Variants in GPHN observed in about 807,000 individuals in gnomAD.
GPHN encodes the protein gephyrin.
A neutral mutation model predicts 95.5 loss-of-function variants in GPHN; 17 were observed. The ratio of observed to expected loss-of-function variants is 0.18; its 90% CI spans 0.12 to 0.27. The LOEUF is 0.27. Among genes scored for constraint, GPHN ranks in the 10% least tolerant of loss-of-function variants. The pLI, the probability that GPHN is intolerant of heterozygous loss-of-function variation, is 1.00. For synonymous variants in GPHN, 320 were observed against 322.5 expected, an observed-to-expected ratio of 0.99 and a Z score of 0.08; for missense variants, 660 against 978.1, an observed-to-expected ratio of 0.67 and a Z score of 4.34.
intron 1 of GPHN, among the ~76,000 whole-genome samples, chr14:66,511,870 AT>A (rs1255062650): frequency 2.6e-5 from 4 of 152,044 alleles, no homozygotes; most frequent in Non-Finnish European, 4.4e-5. Context: ...ATGAGAACAT[AT>A]ATGTATATAA....
chr14:66,670,189 C>T (rs1392294920), intron 1 of GPHN, among the ~76,000 whole-genome samples: 1 of 152,098 alleles, frequency 6.6e-6, no homozygotes, highest in African/African-American at 2.4e-5. Context: ...GAAGGTTTTC[C>T]ATGTTACTGC....
the GPHN span, among the ~76,000 whole-genome samples, chr14:67,518,437 C>T: frequency 6.6e-6 from 1 of 152,166 alleles, no homozygotes; most frequent in Non-Finnish European, 1.5e-5. Context: ...AGCATAGTGC[C>T]AGACACATAG....
chr14:66,528,399 G>A (rs2058776083), intron 1 of GPHN, among the ~76,000 whole-genome samples: 1 of 152,112 alleles, frequency 6.6e-6, no homozygotes, highest in African/African-American at 2.4e-5. Context: ...ACACCAATGG[G>A]TCTTGACTCT....
At chr14:67,008,446 A>T (rs2072756312) in intron 9 of GPHN, among the ~76,000 whole-genome samples, 1 of 151,436 alleles carries the variant, frequency 6.6e-6, no homozygotes, top group South Asian at 2.1e-4. Flanking sequence ...AGAGTGAGAC[A>T]CCGTCTCAAA....
chr14:67,448,373 C>G, the GPHN span, among the ~76,000 whole-genome samples: 1 of 152,018 alleles, frequency 6.6e-6, no homozygotes, highest in East Asian at 1.9e-4. Flanking sequence ...ATAGCCCATT[C>G]TATATTGATC....
the GPHN span, among the ~76,000 whole-genome samples, chr14:67,469,814 A>G: frequency 6.6e-6 from 1 of 152,086 alleles, no homozygotes; most frequent in South Asian, 2.1e-4. Flanking sequence ...GTGTAACATC[A>G]CTTTCAAAGT....
chr14:66,839,319 G>A (rs556213739), intron 4 of GPHN, among the ~76,000 whole-genome samples: 1 of 152,332 alleles, frequency 6.6e-6, no homozygotes, highest in African/African-American at 2.4e-5. Context: ...ACTTCTCTAT[G>A]AAGAATGAAG....
Position 66,800,071 on chromosome 14 carries a change from C to G in GPHN, c.201+23550C>G, listed in dbSNP as rs201363515. Reference sequence around the variant, plus strand: ...CTTTTTGCATAAACAAACAAGCAAGCAAGCCACAAACTAATAAAAGTCTAC... The same window carrying G: ...CTTTTTGCATAAACAAACAAGCAAGGAAGCCACAAACTAATAAAAGTCTAC... On this transcript the variant is annotated intron_variant, in intron 3 of 22. Transcript: ENST00000478722. Among the ~76,000 whole-genome samples, 3 of 151,762 alleles carry G rather than the reference C, an allele frequency of 2.0e-5. No homozygotes were observed. The East Asian group carries it at 5.8e-4, about 29-fold the overall frequency.
chr14:67,457,722 C>T, the GPHN span, among the ~76,000 whole-genome samples: 1 of 152,226 alleles, frequency 6.6e-6, no homozygotes, highest in Non-Finnish European at 1.5e-5. Context: ...ACTAGGGGCT[C>T]ACTAGGAGCT....
At chr14:67,131,137 G>A (rs1567378133) in intron 17 of GPHN, among the ~76,000 whole-genome samples, 1 of 152,062 alleles carries the variant, frequency 6.6e-6, no homozygotes, top group Non-Finnish European at 1.5e-5. Context: ...TGCTAGCCAA[G>A]CAGTTGTGGC....
chr14:67,539,811 T>C, the GPHN span, among the ~76,000 whole-genome samples: 2 of 152,220 alleles, frequency 1.3e-5, no homozygotes, highest in Non-Finnish European at 2.9e-5. Flanking sequence ...AGTGTCCTCA[T>C]GTGTGTGTGG....
intron 1 of GPHN, among the ~76,000 whole-genome samples, chr14:66,652,046 G>A (rs779469489): frequency 1.3e-4 from 20 of 151,984 alleles, no homozygotes; most frequent in Admixed American, 6.6e-5. Context: ...AGTCCCTGGC[G>A]CCAAAAAGGT....
chr14:67,026,463 C>A (rs1341487497), intron 10 of GPHN, among the ~76,000 whole-genome samples: 2 of 152,144 alleles, frequency 1.3e-5, no homozygotes, highest in Admixed American at 1.3e-4. Context: ...GTTCATCCCA[C>A]TTAATCCTCA....
the GPHN span, chr14:67,302,194 A>C: frequency 6.9e-7 from 1 of 1,451,042 alleles, no homozygotes; most frequent in East Asian, 2.4e-5. Flanking sequence ...GGTTAATTTC[A>C]GAATTCTAAT....
At chr14:66,920,341 G>GTATT (rs747161208) in intron 6 of GPHN, among the ~76,000 whole-genome samples, 7 of 151,904 alleles carry the variant, frequency 4.6e-5, no homozygotes, top group East Asian at 1.9e-4. Flanking sequence ...TTTTTAGAAT[G>GTATT]TATTTATTTA....
At chr14:66,811,555 A>C (rs2060765025) in intron 3 of GPHN, among the ~76,000 whole-genome samples, 1 of 140,012 alleles carries the variant, frequency 7.1e-6, no homozygotes, top group African/African-American at 3.1e-5. Flanking sequence ...GCAAAAAAAA[A>C]AAAAAGAAAC....
At chr14:67,191,228 C>T in the GPHN span, among the ~76,000 whole-genome samples, 7,595 of 151,588 alleles carry the variant, frequency 0.05, 208 homozygotes, top group Middle Eastern at 0.068. Context: ...AGCGAGACTC[C>T]GTCTCAAAAA....
chr14:66,946,991 TTAAAA>T (rs1361834909), intron 8 of GPHN, among the ~76,000 whole-genome samples: 1 of 152,160 alleles, frequency 6.6e-6, no homozygotes, highest in Non-Finnish European at 1.5e-5. Flanking sequence ...AGTCGACTTT[TTAAAA>T]TAAAGTAAAT....
At chr14:67,512,989 T>C in the GPHN span, among the ~76,000 whole-genome samples, 28 of 152,308 alleles carry the variant, frequency 1.8e-4, no homozygotes, top group Middle Eastern at 3.4e-3. Context: ...GTAAATCTGA[T>C]ACAACCGAAA....
Sources: allele counts gnomAD v4.1 joint callset (sites outside exome capture counted in the v4.1 genomes callset), GRCh38; gene constraint gnomAD v4.1.1; transcripts MANE v1.5; gene names NCBI Gene and HGNC (gene_info 2026-07-23, HGNC 2026-07-21).